EPHA7: variants seen among roughly 807,000 people sequenced by gnomAD.
The protein encoded by EPHA7 is EPH receptor A7, also known as ephrin type-A receptor 7.
In EPHA7, 25 loss-of-function variants were observed where a neutral mutation model predicts 112.6. The ratio of observed to expected loss-of-function variants is 0.22; its 90% CI spans 0.16 to 0.31. The LOEUF (loss-of-function observed/expected upper bound fraction) is 0.31, where lower values mean the gene tolerates loss of function less well. Ranked by LOEUF, EPHA7 falls within the 10% of genes least tolerant of loss-of-function variation. The probability of loss-of-function intolerance (pLI) is 1.00; values close to 1 mark genes in which losing one functional copy is unlikely to be tolerated. For synonymous variants in EPHA7, 437 were observed against 406.5 expected (o/e 1.07, Z -0.90); for missense variants, 962 against 1,212.6 (o/e 0.79, Z 3.07).
At chr6:93,333,530 C>G (rs1044681614) in intron 5 of EPHA7, among the ~76,000 whole-genome samples, 2 of 151,850 alleles carry the variant, frequency 1.3e-5, no homozygotes, top group Non-Finnish European at 2.9e-5. Context: ...TCTCCAAAAC[C>G]TCACCAGCAT....
At chr6:93,291,767 C>CAAAAAAAAAAAAA (rs66483422) in intron 5 of EPHA7, among the ~76,000 whole-genome samples, 3 of 71,680 alleles carry the variant, frequency 4.2e-5, no homozygotes, top group African/African-American at 1.2e-4. Context: ...GACTCCGTCT[C>CAAAAAAAAAAAAA]AAAAAAAAAA....
intron 5 of EPHA7, among the ~76,000 whole-genome samples, chr6:93,283,228 A>T (rs1771861999): frequency 6.6e-6 from 1 of 152,184 alleles, no homozygotes; most frequent in Admixed American, 6.5e-5. Context: ...CTCTGTATCT[A>T]GCTAATCTAG....
chr6:93,365,256 C>T (rs905559238), intron 3 of EPHA7, among the ~76,000 whole-genome samples: 8 of 152,160 alleles, frequency 5.3e-5, no homozygotes, highest in Non-Finnish European at 8.8e-5. Flanking sequence ...TAATTATGAA[C>T]TGTAAGTAGA....
chr6:93,259,695 T>C (rs1017078701), intron 9 of EPHA7, among the ~76,000 whole-genome samples: 1 of 152,016 alleles, frequency 6.6e-6, no homozygotes, highest in Non-Finnish European at 1.5e-5. Context: ...CATAGGTTAC[T>C]AACTGAATTG....
chr6:93,303,201 T>C (rs1451201764), intron 5 of EPHA7, among the ~76,000 whole-genome samples: 1 of 152,150 alleles, frequency 6.6e-6, no homozygotes, highest in African/African-American at 2.4e-5. Flanking sequence ...CCAGAGAATG[T>C]GAAGTTATAC....
intron 3 of EPHA7, among the ~76,000 whole-genome samples, chr6:93,405,221 A>T (rs1469662291): frequency 6.6e-6 from 1 of 151,860 alleles, no homozygotes; most frequent in African/African-American, 2.4e-5. Flanking sequence ...TTTTTCATTC[A>T]AAATTATTAA....
intron 5 of EPHA7, among the ~76,000 whole-genome samples, chr6:93,337,528 T>C (rs1451481510): frequency 6.6e-6 from 1 of 152,144 alleles, no homozygotes; most frequent in Non-Finnish European, 1.5e-5. Context: ...AGAAAATCTA[T>C]TTTCAAAGGG....
At chr6:93,404,506 AC>A (rs556831933) in intron 3 of EPHA7, among the ~76,000 whole-genome samples, 60 of 151,940 alleles carry the variant, frequency 3.9e-4, no homozygotes, top group African/African-American at 1.4e-3. Context: ...TAAGTACTTA[AC>A]CCAAAGTAAC....
At chr6:93,401,287 A>C (rs866690348) in intron 3 of EPHA7, among the ~76,000 whole-genome samples, 14 of 152,268 alleles carry the variant, frequency 9.2e-5, no homozygotes, top group South Asian at 2.1e-4. Flanking sequence ...TACATCCCAG[A>C]GTGCATTTTC....
intron 5 of EPHA7, among the ~76,000 whole-genome samples, chr6:93,293,726 G>T (rs760763348): frequency 2.6e-5 from 4 of 152,130 alleles, no homozygotes; most frequent in Non-Finnish European, 4.4e-5. Flanking sequence ...AGCAATAAGT[G>T]AGCATCACAA....
chr6:93,330,357 T>C (rs1013981562), intron 5 of EPHA7, among the ~76,000 whole-genome samples: 50 of 151,280 alleles, frequency 3.3e-4, no homozygotes, highest in African/African-American at 1.2e-3. Flanking sequence ...TTGTTAACTA[T>C]ATCACACTAC....
chr6:93,396,917 T>C (rs1778203757), intron 3 of EPHA7, among the ~76,000 whole-genome samples: 1 of 151,784 alleles, frequency 6.6e-6, no homozygotes, highest in Non-Finnish European at 1.5e-5. Flanking sequence ...GAGAAAAATA[T>C]ATGATAATAT....
chr6:93,254,516 G>T, intron 14 of EPHA7, 131 bp downstream of exon 14: 1 of 557,988 alleles, frequency 1.8e-6, no homozygotes, highest in Non-Finnish European at 2.9e-6. Context: ...AATTAGTGTG[G>T]TAGTAATTGT....
At chr6:93,297,118 T>C (rs1202709192) in intron 5 of EPHA7, among the ~76,000 whole-genome samples, 1 of 152,044 alleles carries the variant, frequency 6.6e-6, no homozygotes, top group Admixed American at 6.5e-5. Context: ...TGCTTTTTCA[T>C]TGGTCACCAT....
At chr6:93,345,966 T>A (rs164531) in intron 5 of EPHA7, among the ~76,000 whole-genome samples, 129,294 of 151,496 alleles carry the variant, frequency 0.85, 55,329 homozygotes, top group African/African-American at 0.91. Context: ...CCCTCTGAAC[T>A]CATGTAGTGA....
chr6:93,363,437 A>G (rs1776352213), intron 3 of EPHA7, among the ~76,000 whole-genome samples: 1 of 152,206 alleles, frequency 6.6e-6, no homozygotes, highest in Admixed American at 6.5e-5. Context: ...AATGAGTAAT[A>G]AACACATAAA....
At chr6:93,343,677 C>A (rs1456272157) in intron 5 of EPHA7, among the ~76,000 whole-genome samples, 1 of 151,610 alleles carries the variant, frequency 6.6e-6, no homozygotes, top group East Asian at 1.9e-4. Flanking sequence ...TTAGCTGATG[C>A]TTGTCCAGAA....
intron 5 of EPHA7, among the ~76,000 whole-genome samples, chr6:93,284,509 A>C (rs1197890283): frequency 2.6e-5 from 4 of 152,194 alleles, no homozygotes; most frequent in Admixed American, 2.6e-4. Context: ...AGACTCATTA[A>C]TACTACCTCA....
At chr6:93,396,474 C>T (rs1300233455) in intron 3 of EPHA7, among the ~76,000 whole-genome samples, 2 of 151,754 alleles carry the variant, frequency 1.3e-5, no homozygotes, top group Non-Finnish European at 2.9e-5. Flanking sequence ...GATGCTATAA[C>T]GATATAATAA....
Sources: allele counts gnomAD v4.1 joint callset (sites outside exome capture counted in the v4.1 genomes callset), GRCh38; gene constraint gnomAD v4.1.1; transcripts MANE v1.5; gene names NCBI Gene and HGNC (gene_info 2026-07-23, HGNC 2026-07-21).